PIAS2: variants seen among roughly 807,000 people sequenced by gnomAD.
PIAS2 encodes protein inhibitor of activated STAT 2, also known as E3 SUMO-protein ligase PIAS2.
In PIAS2, 19 loss-of-function variants were observed where a neutral mutation model predicts 69.7. That is an observed-to-expected ratio of 0.27 (90% CI 0.19 to 0.40). The LOEUF (loss-of-function observed/expected upper bound fraction) is 0.40. Ranked by LOEUF, PIAS2 falls within the 10% of genes least tolerant of loss-of-function variation. The pLI is 1.00. For synonymous variants in PIAS2, 261 were observed against 263.2 expected (o/e 0.99, Z 0.08); for missense variants, 624 against 757.0 (o/e 0.82, Z 2.06).
At chr18:46,866,275 T>C (rs2049442628) in intron 2 of PIAS2, among the ~76,000 whole-genome samples, 1 of 152,082 alleles carries the variant, frequency 6.6e-6, no homozygotes, top group African/African-American at 2.4e-5. Context: ...AGTCATACTA[T>C]TGATTATGTT....
chr18:46,870,877 T>C (rs1445529392), intron 2 of PIAS2, among the ~76,000 whole-genome samples: 1 of 151,996 alleles, frequency 6.6e-6, no homozygotes, highest in East Asian at 1.9e-4. Flanking sequence ...AGACCCTCGA[T>C]GGGTCAATAA....
At chr18:46,917,654 G>T, upstream of PIAS2, 1 of 725,986 alleles carries the variant, frequency 1.4e-6, no homozygotes, top group Non-Finnish European at 1.7e-6. Flanking sequence ...GCTGCCCCGC[G>T]GCTTGGCCCC....
intron 7 of PIAS2, 65 bp downstream of exon 7, chr18:46,844,669 A>T (rs2045911637): frequency 1.8e-6 from 1 of 555,172 alleles, no homozygotes; most frequent in African/African-American, 1.9e-5. Flanking sequence ...AAAGCATTAA[A>T]GTATCTCATA....
chr18:46,823,828 G>A (rs1489297180), intron 11 of PIAS2, among the ~76,000 whole-genome samples: 1 of 152,096 alleles, frequency 6.6e-6, no homozygotes, highest in East Asian at 1.9e-4. Context: ...TTACATACTG[G>A]GAGCAGGCTT....
At chr18:46,814,372 A>G (rs550441571) in intron 13 of PIAS2, among the ~76,000 whole-genome samples, 1 of 152,316 alleles carries the variant, frequency 6.6e-6, no homozygotes, top group South Asian at 2.1e-4. Context: ...AGAACTGGTC[A>G]CATAAAAATT....
At chr18:46,918,461 T>C (rs1280597746), upstream of PIAS2, among the ~76,000 whole-genome samples, 1 of 152,150 alleles carries the variant, frequency 6.6e-6, no homozygotes, top group Non-Finnish European at 1.5e-5. Context: ...CCCCGCAAGT[T>C]TTGTTTTTTT....
At chr18:46,904,505 C>T (rs2056325045) in intron 1 of PIAS2, among the ~76,000 whole-genome samples, 1 of 152,108 alleles carries the variant, frequency 6.6e-6, no homozygotes, top group African/African-American at 2.4e-5. Flanking sequence ...AATCCCAGCA[C>T]TTTGAGAGGC....
At chr18:46,831,046 C>T (rs2043537767) in intron 9 of PIAS2, among the ~76,000 whole-genome samples, 1 of 152,066 alleles carries the variant, frequency 6.6e-6, no homozygotes, top group African/African-American at 2.4e-5. Flanking sequence ...CACCGTATTA[C>T]CAGACTAGTC....
intron 2 of PIAS2, among the ~76,000 whole-genome samples, chr18:46,864,990 G>C (rs990689010): frequency 3.9e-5 from 6 of 151,922 alleles, no homozygotes; most frequent in African/African-American, 1.2e-4. Context: ...AGAAAATTTT[G>C]AATGTCAAAA....
chr18:46,830,009 T>C (rs1010318840), intron 9 of PIAS2, 142 bp from the exon 10 acceptor site: 9 of 647,078 alleles, frequency 1.4e-5, no homozygotes, highest in Non-Finnish European at 2.4e-5. Flanking sequence ...CTTTATACTT[T>C]ACAACAATTA....
intron 2 of PIAS2, among the ~76,000 whole-genome samples, chr18:46,874,505 G>A (rs1301448233): frequency 6.6e-6 from 1 of 152,118 alleles, no homozygotes; most frequent in Non-Finnish European, 1.5e-5. Context: ...CCTTCATCAG[G>A]AAGAGTAGAA....
At chr18:46,843,984 T>C in intron 8 of PIAS2, 70 bp downstream of exon 8, 1 of 880,194 alleles carries the variant, frequency 1.1e-6, no homozygotes, top group Non-Finnish European at 1.8e-6. Context: ...ATTCCCACAC[T>C]TACTTTTATA....
At position 46,815,382 on chromosome 18, in the gene PIAS2, C is replaced by T. The variant is rs765371731; in HGVS notation, c.1649-33G>A. The T allele has an allele frequency of 6.8e-6, 11 of 1,608,586 alleles. No homozygotes were observed. The East Asian group carries it at 2.2e-4, about 33-fold the overall frequency. On this transcript the variant is annotated intron_variant, in intron 12 of 13. Transcript: ENST00000585916. ...AAAAATGCTTTGTTAATAGTTGTCT[C>T]ATATTTTGGGAGACCAGAATTATTT...
intron 5 of PIAS2, among the ~76,000 whole-genome samples, chr18:46,851,640 A>G (rs969599061): frequency 6.6e-6 from 1 of 152,210 alleles, no homozygotes; most frequent in Non-Finnish European, 1.5e-5. Context: ...AACCTGGAAA[A>G]TGAATGCATG....
intron 1 of PIAS2, among the ~76,000 whole-genome samples, chr18:46,914,397 G>A (rs2057576494): frequency 6.6e-6 from 1 of 152,098 alleles, no homozygotes; most frequent in Non-Finnish European, 1.5e-5. Flanking sequence ...AAGAGAGGTG[G>A]GCTGGTATTC....
intron 11 of PIAS2, among the ~76,000 whole-genome samples, chr18:46,822,568 G>C (rs2042296122): frequency 6.6e-6 from 1 of 152,140 alleles, no homozygotes; most frequent in South Asian, 2.1e-4. Context: ...GCAGACTCTG[G>C]AGGAAAAAGA....
chr18:46,919,226 C>T (rs2058368791), upstream of PIAS2, among the ~76,000 whole-genome samples: 1 of 151,960 alleles, frequency 6.6e-6, no homozygotes, highest in South Asian at 2.1e-4. Context: ...GTGGCCCACG[C>T]TCTAAATTCC....
chr18:46,868,972 ACT>A (rs779990677), intron 2 of PIAS2, among the ~76,000 whole-genome samples: 13 of 152,202 alleles, frequency 8.5e-5, no homozygotes, highest in Non-Finnish European at 1.6e-4. Context: ...CAACCAGGTA[ACT>A]CTGTACACAA....
intron 8 of PIAS2, among the ~76,000 whole-genome samples, chr18:46,838,283 C>T (rs1015955056): frequency 2.0e-5 from 3 of 152,224 alleles, no homozygotes; most frequent in African/African-American, 7.2e-5. Flanking sequence ...CTCAAAAACA[C>T]TTTCACAATT....
Sources: gnomAD v4.1 joint callset for allele counts (sites outside exome capture counted in the v4.1 genomes callset) on GRCh38, gnomAD v4.1.1 for gene constraint, MANE v1.5 for transcripts, NCBI Gene and HGNC (gene_info 2026-07-23, HGNC 2026-07-21) for gene names.